RAP1GDS1: variants seen among roughly 807,000 people sequenced by gnomAD.
RAP1GDS1 encodes Rap1 GTPase-GDP dissociation stimulator 1, also known as RAP1, GTP-GDP dissociation stimulator 1.
Under a neutral mutation model 71.1 loss-of-function variants are expected in RAP1GDS1, and 35 were observed. The observed-to-expected ratio is 0.49, with a 90% CI of 0.38 to 0.65. The LOEUF (loss-of-function observed/expected upper bound fraction) is 0.65, where lower values mean the gene tolerates loss of function less well. Ranked by LOEUF, RAP1GDS1 falls within the 30% of genes least tolerant of loss-of-function variation. RAP1GDS1 has a pLI of 0.00. For synonymous variants in RAP1GDS1, 229 were observed against 243.1 expected (o/e 0.94, Z 0.54); for missense variants, 663 against 706.1 (o/e 0.94, Z 0.69).
intron 2 of RAP1GDS1, among the ~76,000 whole-genome samples, chr4:98,307,947 C>T (rs1729575467): frequency 1.3e-5 from 2 of 151,944 alleles, no homozygotes; most frequent in South Asian, 4.1e-4. Context: ...TGATGTTTCA[C>T]CATTAAATAT....
At chr4:98,357,989 T>A (rs1738194417) in intron 4 of RAP1GDS1, among the ~76,000 whole-genome samples, 1 of 152,018 alleles carries the variant, frequency 6.6e-6, no homozygotes, top group African/African-American at 2.4e-5. Flanking sequence ...AGAAGCCATA[T>A]AAAGAGAGGC....
rs998670335 is a variant in RAP1GDS1 at position 98,405,381 on chromosome 4, A to G, written c.763+779A>G. Among the ~76,000 whole-genome samples, 4 of 152,182 alleles carry G rather than the reference A, an allele frequency of 2.6e-5. No individual in the cohort carries two copies. The South Asian group carries it at 8.3e-4, about 32-fold the overall frequency. On this transcript the variant is annotated intron_variant, in intron 7 of 14. Transcript: ENST00000408927. ...ATAGATACTGTTGAATTAAAGAACC[A>G]GTGAACTGGAAAACGGGTTGGAAAG...
At chr4:98,292,577 AAAAAC>A (rs200187407) in intron 1 of RAP1GDS1, among the ~76,000 whole-genome samples, 5,646 of 149,678 alleles carry the variant, frequency 0.038, 318 homozygotes, top group African/African-American at 0.13. Flanking sequence ...AAGAAAAAAA[AAAAAC>A]AATGCTATTC....
At chr4:98,308,423 T>C (rs1007675710) in intron 2 of RAP1GDS1, among the ~76,000 whole-genome samples, 1 of 148,314 alleles carries the variant, frequency 6.7e-6, no homozygotes, top group African/African-American at 2.5e-5. Context: ...TGAGCCATGA[T>C]TGTGCCACTG....
In RAP1GDS1 at chr4:98,261,385, C is replaced by G. The variant is rs1431611341; in HGVS notation, c.-181C>G. ...CCCCGCCCCGCCCCGCCCCCCGCCG[C>G]TCGTCCCCGCCGCGGCCGCGCCGCC... On this transcript the variant is annotated 5_prime_UTR_variant, in exon 1 of 15. Coordinates refer to ENST00000408927, the MANE Select transcript of RAP1GDS1 (RefSeq NM_001100427.2). 5.9e-6 allele frequency: 1 copy of G among 170,690 alleles called. No individual in the cohort carries two copies. Among genetic ancestry groups the G allele is most frequent in the African/African-American group, 2.5e-5 (1 of 40,498 alleles). 10.6% of individuals were successfully genotyped at this position (170,690 alleles called of 1,614,324 possible).
intron 2 of RAP1GDS1, among the ~76,000 whole-genome samples, chr4:98,299,002 C>T (rs1450108010): frequency 6.6e-6 from 1 of 152,166 alleles, no homozygotes; most frequent in Non-Finnish European, 1.5e-5. Context: ...TGGTTTGCTG[C>T]ACCCATTAAC....
intron 2 of RAP1GDS1, among the ~76,000 whole-genome samples, chr4:98,310,288 A>T (rs1730012265): frequency 6.6e-6 from 1 of 152,142 alleles, no homozygotes. Context: ...ACTGATAGAT[A>T]AATGTTAAAT....
intron 2 of RAP1GDS1, among the ~76,000 whole-genome samples, chr4:98,327,321 G>C (rs1263961691): frequency 6.6e-6 from 1 of 152,030 alleles, no homozygotes; most frequent in Non-Finnish European, 1.5e-5. Context: ...GTTTTTAATA[G>C]AAAAAAATGA....
intron 2 of RAP1GDS1, among the ~76,000 whole-genome samples, chr4:98,336,585 C>G (rs1734749328): frequency 6.6e-6 from 1 of 152,082 alleles, no homozygotes; most frequent in African/African-American, 2.4e-5. Flanking sequence ...TTTTGTTCTG[C>G]TATCTTTCTT....
At chr4:98,361,316 C>A (rs532389125) in intron 4 of RAP1GDS1, among the ~76,000 whole-genome samples, 2 of 151,676 alleles carry the variant, frequency 1.3e-5, no homozygotes, top group South Asian at 2.1e-4. Flanking sequence ...ACGTTTTGAT[C>A]TTGAACAATT....
At chr4:98,313,833 C>CA (rs1323865781) in intron 2 of RAP1GDS1, among the ~76,000 whole-genome samples, 1 of 152,086 alleles carries the variant, frequency 6.6e-6, no homozygotes, top group East Asian at 1.9e-4. Context: ...AGCAACAGAG[C>CA]AAGACCGTGT....
intron 14 of RAP1GDS1, among the ~76,000 whole-genome samples, chr4:98,437,807 AT>A (rs996196300): frequency 5.7e-5 from 8 of 141,142 alleles, no homozygotes; most frequent in East Asian, 2.0e-4. Context: ...AAAAAAAAAA[AT>A]TTTTTTTTTC....
At chr4:98,281,402 G>C (rs1358626954) in intron 1 of RAP1GDS1, among the ~76,000 whole-genome samples, 1 of 151,594 alleles carries the variant, frequency 6.6e-6, no homozygotes, top group African/African-American at 2.4e-5. Flanking sequence ...CTCATGATTT[G>C]GCTGTTTGTC....
chr4:98,421,272 T>C lies in RAP1GDS1; in HGVS notation c.1318T>C (p.Leu440=), dbSNP rs200577608. The part of the protein sequence containing the change: ...IDAQAEAAEQ[L]GKNVKLVERL... ...TCCTATAGCAGAAGCTGCTGAACAA[T>C]TGGGAAAGAATGTTAAGTTAGTGGA... The change falls in exon 12 of 15, where the codon TTG becomes CTG. Residue 440 remains leucine, a synonymous_variant. Transcript: ENST00000408927. 1.6e-4 allele frequency: 263 copies of C among 1,608,810 alleles called. 1 individual carries two copies. Among genetic ancestry groups the C allele is most frequent in the Admixed American group, 1.0e-3 (61 of 59,652 alleles).
At position 98,353,026 on chromosome 4, in the gene RAP1GDS1, C is replaced by T. The variant is rs552166567; in HGVS notation, c.361+425C>T. ...AGTTCGGTAAAACCAATCATAAAAA[C>T]CATTCTCTTCTCAAAAGCTAGATTG... is the stretch of plus-strand genomic sequence containing the variant. On this transcript the variant is annotated intron_variant, in intron 4 of 14. Coordinates refer to ENST00000408927, the MANE Select transcript of RAP1GDS1 (RefSeq NM_001100427.2). 2.7e-3 allele frequency among the ~76,000 whole-genome samples: 409 copies of T among 152,272 alleles called. 1 individual carries two copies. Among genetic ancestry groups the T allele is most frequent in the Non-Finnish European group, 4.8e-3 (326 of 68,006 alleles).
At chr4:98,424,496 T>G (rs1187953285) in intron 12 of RAP1GDS1, among the ~76,000 whole-genome samples, 2 of 152,210 alleles carry the variant, frequency 1.3e-5, no homozygotes, top group African/African-American at 4.8e-5. Flanking sequence ...GTGCGGTGGC[T>G]CACGCCTGTA....
intron 1 of RAP1GDS1, among the ~76,000 whole-genome samples, chr4:98,292,750 A>G (rs1414792209): frequency 1.3e-5 from 2 of 152,184 alleles, no homozygotes; most frequent in Admixed American, 6.5e-5. Context: ...GTCTATAGCA[A>G]TAATATAAAC....
intron 1 of RAP1GDS1, among the ~76,000 whole-genome samples, chr4:98,291,256 T>C (rs1165614296): frequency 6.6e-6 from 1 of 152,156 alleles, no homozygotes; most frequent in Non-Finnish European, 1.5e-5. Context: ...TTTGAAGATG[T>C]CACATATTTC....
intron 2 of RAP1GDS1, among the ~76,000 whole-genome samples, chr4:98,301,215 A>G (rs1728541523): frequency 1.3e-5 from 2 of 151,364 alleles, no homozygotes; most frequent in African/African-American, 4.9e-5. Flanking sequence ...ACTTTTTTTC[A>G]TATTGTATAC....
Sources: allele counts gnomAD v4.1 joint callset (sites outside exome capture counted in the v4.1 genomes callset), GRCh38; gene constraint gnomAD v4.1.1; transcripts MANE v1.5; gene names NCBI Gene and HGNC (gene_info 2026-07-23, HGNC 2026-07-21).